Variants in HCN1 observed in about 807,000 individuals in gnomAD.
HCN1 encodes the protein potassium/sodium hyperpolarization-activated cyclic nucleotide-gated channel 1.
Under a neutral mutation model 78.9 loss-of-function variants are expected in HCN1, and 13 were observed. That is an observed-to-expected ratio of 0.16 (90% CI 0.11 to 0.26). The LOEUF (loss-of-function observed/expected upper bound fraction) is 0.26, where lower values mean the gene tolerates loss of function less well. HCN1 is among the 10% of genes least tolerant of loss of function. The probability of loss-of-function intolerance (pLI) is 1.00; values close to 1 mark genes in which losing one functional copy is unlikely to be tolerated. For synonymous variants in HCN1, 552 were observed against 455.5 expected, an observed-to-expected ratio of 1.21 and a Z score of -2.70; for missense variants, 810 against 1,154.3, an observed-to-expected ratio of 0.70 and a Z score of 4.32.
intron 3 of HCN1, among the ~76,000 whole-genome samples, chr5:45,459,080 T>C (rs1301939736): frequency 6.6e-6 from 1 of 151,972 alleles, no homozygotes; most frequent in Non-Finnish European, 1.5e-5. Flanking sequence ...GTCTTTTTTA[T>C]GGTTATTTCC....
At chr5:45,396,941 G>C (rs2112041116) in intron 3 of HCN1, among the ~76,000 whole-genome samples, 1 of 152,266 alleles carries the variant, frequency 6.6e-6, no homozygotes, top group East Asian at 1.9e-4. Flanking sequence ...CGCTTTGTCA[G>C]TTTTAAGTTT....
At chr5:45,280,504 G>A (rs1745135443) in intron 6 of HCN1, among the ~76,000 whole-genome samples, 1 of 152,124 alleles carries the variant, frequency 6.6e-6, no homozygotes, top group South Asian at 2.1e-4. Flanking sequence ...GAGTTGTCCT[G>A]TGCATTGTAA....
chr5:45,453,845 C>T lies in HCN1; in HGVS notation c.1011+8001G>A, dbSNP rs191654274. On this transcript the variant is annotated intron_variant, in intron 3 of 7. Transcript: ENST00000303230. Reference sequence around the variant, plus strand: ...AACATTTAGAATAGCAAGGATATAACGGAGAACTAAGTCTAGCAAATTAAT... The same window carrying T: ...AACATTTAGAATAGCAAGGATATAATGGAGAACTAAGTCTAGCAAATTAAT... Among the ~76,000 whole-genome samples, 6 of 152,182 alleles carry T rather than the reference C, an allele frequency of 3.9e-5. No individual in the cohort carries two copies. The East Asian group carries it at 1.2e-3, about 29-fold the overall frequency.
rs73101219 is a variant in HCN1, at chr5:45,427,431, T to C, written c.1012-30721A>G. Among the ~76,000 whole-genome samples, 1,308 of 152,248 alleles carry C rather than the reference T, an allele frequency of 8.6e-3. 26 individuals are homozygous for C. Among genetic ancestry groups the C allele is most frequent in the African/African-American group, 0.031 (1,280 of 41,558 alleles). ...TTTTTATAGTTAACATTAAGTCTTA[T>C]AACTGTTCTGCTAATAAAAAATCTT... is the stretch of plus-strand genomic sequence containing the variant. On this transcript the variant is annotated intron_variant, in intron 3 of 7. Coordinates refer to ENST00000303230, the MANE Select transcript of HCN1 (RefSeq NM_021072.4).
intron 5 of HCN1, among the ~76,000 whole-genome samples, chr5:45,317,549 C>T (rs1331193323): frequency 6.6e-6 from 1 of 152,060 alleles, no homozygotes; most frequent in Admixed American, 6.6e-5. Context: ...GCAACAAAAG[C>T]CACAATTGAC....
intron 4 of HCN1, 107 bp downstream of exon 4, chr5:45,396,385 T>C: frequency 3.5e-6 from 3 of 867,714 alleles, no homozygotes; most frequent in Non-Finnish European, 5.6e-6. Context: ...ACATTTTATC[T>C]CTTTTTTTTT....
chr5:45,367,417 G>T (rs1747259001), intron 4 of HCN1, among the ~76,000 whole-genome samples: 1 of 151,798 alleles, frequency 6.6e-6, no homozygotes. Context: ...GACTATATAT[G>T]TAACATAAAT....
Position 45,532,818 on chromosome 5 carries a change from A to G in HCN1, c.850-70811T>C, listed in dbSNP as rs905377127. ...AGAAAGGATATTTTTATTATGCACC[A>G]TTTAATTTATTTAGGCAGTGCTTAA... On this transcript the variant is annotated intron_variant, in intron 2 of 7. Transcript: ENST00000303230. Among the ~76,000 whole-genome samples the G allele has an allele frequency of 3.3e-5, 5 of 152,166 alleles. 1 individual carries two copies. Among genetic ancestry groups the G allele is most frequent in the African/African-American group, 1.2e-4 (5 of 41,454 alleles).
At chr5:45,408,264 G>A (rs534996040) in intron 3 of HCN1, among the ~76,000 whole-genome samples, 319 of 152,114 alleles carry the variant, frequency 2.1e-3, no homozygotes, top group African/African-American at 5.7e-3. Flanking sequence ...AGGCCTTCAC[G>A]TTGCCTTACT....
At chr5:45,353,662 T>C (rs1319332884) in intron 4 of HCN1, among the ~76,000 whole-genome samples, 1 of 152,060 alleles carries the variant, frequency 6.6e-6, no homozygotes, top group African/African-American at 2.4e-5. Flanking sequence ...ATAGGTTTTA[T>C]CTTAGGCTTT....
At chr5:45,413,955 G>T (rs1740070502) in intron 3 of HCN1, among the ~76,000 whole-genome samples, 1 of 151,808 alleles carries the variant, frequency 6.6e-6, no homozygotes, top group Admixed American at 6.6e-5. Context: ...CTTAAAGCAG[G>T]ATTCACATAT....
rs537777686 is a variant in HCN1 at position 45,445,061 on chromosome 5, G to A, written c.1011+16785C>T. On this transcript the variant is annotated intron_variant, in intron 3 of 7. Transcript: ENST00000303230. ...GGACAGTGGGTGCAGCGCACCGTGCGTGAGCCGAAACAGGGCGAGGCATTG... is the reference window on the plus strand; with the variant it reads ...GGACAGTGGGTGCAGCGCACCGTGCATGAGCCGAAACAGGGCGAGGCATTG... Among the ~76,000 whole-genome samples the A allele has an allele frequency of 1.5e-3, 226 of 152,334 alleles. 1 individual carries two copies. The highest frequency in any genetic ancestry group is 4.7e-3 in the African/African-American group (194 of 41,592).
intron 1 of HCN1, among the ~76,000 whole-genome samples, chr5:45,668,904 A>C (rs903298764): frequency 2.0e-4 from 31 of 151,820 alleles, no homozygotes; most frequent in Admixed American, 1.3e-4. Flanking sequence ...TTTATTATTG[A>C]CCAAAGCAAA....
chr5:45,264,668 CA>C (rs1295468421), intron 7 of HCN1, among the ~76,000 whole-genome samples: 2 of 152,126 alleles, frequency 1.3e-5, no homozygotes, highest in African/African-American at 4.8e-5. Flanking sequence ...CTAACTGCAG[CA>C]TACATCTATA....
chr5:45,399,043 T>C (rs1224534200), intron 3 of HCN1, among the ~76,000 whole-genome samples: 2 of 152,208 alleles, frequency 1.3e-5, no homozygotes, highest in Non-Finnish European at 2.9e-5. Flanking sequence ...AGATTTAATA[T>C]CTGTTTAGAT....
At chr5:45,471,092 T>A (rs1333131497) in intron 2 of HCN1, among the ~76,000 whole-genome samples, 1 of 152,090 alleles carries the variant, frequency 6.6e-6, no homozygotes, top group East Asian at 1.9e-4. Flanking sequence ...TCCCAGATAC[T>A]TAAAGACTTG....
intron 2 of HCN1, among the ~76,000 whole-genome samples, chr5:45,641,494 TTTAA>T (rs754375055): frequency 1.3e-5 from 2 of 152,142 alleles, no homozygotes; most frequent in African/African-American, 2.4e-5. Context: ...CCAAAATGTA[TTTAA>T]TTAATTGTAA....
At chr5:45,550,282 T>C (rs1184283102) in intron 2 of HCN1, among the ~76,000 whole-genome samples, 1 of 152,016 alleles carries the variant, frequency 6.6e-6, no homozygotes, top group Non-Finnish European at 1.5e-5. Context: ...ATTAAGAAAA[T>C]GTGGCACATA....
chr5:45,643,234 C>A (rs1243396581), intron 2 of HCN1: 1 of 152,010 alleles, frequency 6.6e-6, no homozygotes, highest in African/African-American at 2.4e-5. Context: ...GACCACATGG[C>A]CTGCCATTTT....
Sources: allele counts gnomAD v4.1 joint callset (sites outside exome capture counted in the v4.1 genomes callset), GRCh38; gene constraint gnomAD v4.1.1; transcripts MANE v1.5; gene names NCBI Gene and HGNC (gene_info 2026-07-23, HGNC 2026-07-21).